Variants in POLN observed in about 807,000 individuals in gnomAD.
POLN encodes the protein DNA polymerase N.
A neutral mutation model predicts 113.5 loss-of-function variants in POLN; 108 were observed. The observed-to-expected ratio is 0.95, with a 90% CI of 0.81 to 1.12. The LOEUF (loss-of-function observed/expected upper bound fraction) is 1.12, where lower values mean the gene tolerates loss of function less well. Among genes scored for constraint, POLN ranks in the 50% most tolerant of loss-of-function variants. POLN has a pLI of 0.00. For missense variants in POLN, 1,097 were observed against 1,077.1 expected (o/e 1.02, Z -0.26); for synonymous variants, 386 against 391.5 (o/e 0.99, Z 0.17).
At chr4:2,075,874 G>A (rs921846298) in intron 23 of POLN, among the ~76,000 whole-genome samples, 6 of 152,174 alleles carry the variant, frequency 3.9e-5, no homozygotes, top group Non-Finnish European at 7.4e-5. Flanking sequence ...TGGGTGCCCC[G>A]TGTCCGCCCC....
At position 2,081,643 on chromosome 4, in the gene POLN, G is replaced by A. The variant is rs761010713; in HGVS notation, c.2298C>T (p.Phe766=). 2.7e-5 allele frequency: 44 copies of A among 1,614,090 alleles called. No homozygotes were observed. The East Asian group carries it at 3.8e-4, about 14-fold the overall frequency. ...AGAGGCTTCTGGTACCTTGCACCAC[G>A]AAGTTCACTGCCTGTCGCTCTGCTT... ...RAQAERQAVN[F]VVQGSAADLC... Residue 766 remains phenylalanine (F), a synonymous_variant, in exon 22 of 26, where the codon TTC becomes TTT. Coordinates refer to ENST00000511885, the MANE Select transcript of POLN (RefSeq NM_181808.4).
intron 3 of POLN, among the ~76,000 whole-genome samples, chr4:2,214,407 G>T (rs187421374): frequency 6.6e-6 from 1 of 152,194 alleles, no homozygotes; most frequent in East Asian, 1.9e-4. Context: ...ACATCAAAAA[G>T]AAAATAAATG....
At chr4:2,160,157 G>T (rs1732543988) in intron 13 of POLN, among the ~76,000 whole-genome samples, 2 of 152,200 alleles carry the variant, frequency 1.3e-5, no homozygotes, top group Non-Finnish European at 2.9e-5. Flanking sequence ...TCTGGTAAAT[G>T]AGAAGTGATC....
At chr4:2,162,952 C>T (rs536093917) in intron 13 of POLN, among the ~76,000 whole-genome samples, 13 of 148,674 alleles carry the variant, frequency 8.7e-5, no homozygotes, top group South Asian at 2.1e-4. Flanking sequence ...TGATCCCCCG[C>T]GCCCAGATTA....
chr4:2,225,975 C>G (rs1282118222), intron 3 of POLN, among the ~76,000 whole-genome samples: 2 of 151,680 alleles, frequency 1.3e-5, no homozygotes, highest in African/African-American at 4.8e-5. Context: ...GGCGACAGAG[C>G]AAGACCCTGT....
In POLN at chr4:2,241,762, G is replaced by A; in HGVS notation, c.-255C>T. ...GCCAGCGGCAAAACCTTCCTTCGGA[G>A]GGTCACCCAGCTGTGACACCTAAGC... On this transcript the variant is annotated 5_prime_UTR_variant, in exon 2 of 26. Coordinates refer to ENST00000511885, the MANE Select transcript of POLN (RefSeq NM_181808.4). 2.0e-6 allele frequency: 2 copies of A among 985,482 alleles called. No homozygotes were observed. Among genetic ancestry groups the A allele is most frequent in the Non-Finnish European group, 2.4e-6 (2 of 829,948 alleles). 61.0% of individuals were successfully genotyped at this position (985,482 alleles called of 1,614,324 possible).
intron 20 of POLN, among the ~76,000 whole-genome samples, chr4:2,091,767 G>GT (rs1730668613): frequency 2.8e-5 from 2 of 71,918 alleles, no homozygotes; most frequent in Non-Finnish European, 5.6e-5. Flanking sequence ...GAATCTGTGT[G>GT]TGTGTGTGTG....
chr4:2,197,092 T>A (rs984400495), intron 6 of POLN, among the ~76,000 whole-genome samples: 1 of 152,188 alleles, frequency 6.6e-6, no homozygotes, highest in Non-Finnish European at 1.5e-5. Flanking sequence ...CACTTGATCT[T>A]AGCCAGAAGA....
At chr4:2,194,501 A>G (rs1216325355) in intron 6 of POLN, among the ~76,000 whole-genome samples, 4 of 152,158 alleles carry the variant, frequency 2.6e-5, no homozygotes, top group African/African-American at 9.7e-5. Context: ...ACACAGCTTC[A>G]GATCTTGGCT....
intron 3 of POLN, among the ~76,000 whole-genome samples, chr4:2,215,174 C>G (rs1405737746): frequency 1.3e-5 from 2 of 152,042 alleles, no homozygotes; most frequent in African/African-American, 4.8e-5. Context: ...GAATAAATTA[C>G]ATAATATCCA....
intron 14 of POLN, 125 bp from the exon 15 acceptor site, chr4:2,158,036 C>T: frequency 1.8e-6 from 1 of 549,558 alleles, no homozygotes; most frequent in South Asian, 2.5e-5. Flanking sequence ...GCCGCAACTT[C>T]TGCCTCCTGG....
chr4:2,220,589 G>A (rs1388226058), intron 3 of POLN, among the ~76,000 whole-genome samples: 2 of 151,946 alleles, frequency 1.3e-5, no homozygotes, highest in East Asian at 1.9e-4. Context: ...CCCTTCCTTC[G>A]GCACCCCACT....
Position 2,203,071 on chromosome 4 carries a change from T to C in POLN, c.715-4354A>G, listed in dbSNP as rs141701772. Among the ~76,000 whole-genome samples the C allele has an allele frequency of 2.2e-3, 329 of 152,292 alleles. 1 individual carries two copies. Among genetic ancestry groups the C allele is most frequent in the African/African-American group, 7.5e-3 (311 of 41,562 alleles). ...CATTCTATTCATCAGTGCATGGAAC[T>C]TTCTCCAAGATAGACCATATGATAG... On this transcript the variant is annotated intron_variant, in intron 5 of 25. Transcript: ENST00000511885.
Position 2,134,805 on chromosome 4 carries a change from C to A in POLN, c.1732-3515G>T, listed in dbSNP as rs572336575. On this transcript the variant is annotated intron_variant, in intron 16 of 25. Transcript: ENST00000511885. ...CGTTGAACAGCTGGAGACCTGGATC[C>A]CCCTTTCCAGGAGCACCTCACACAT... Among the ~76,000 whole-genome samples the A allele has an allele frequency of 2.6e-5, 4 of 152,310 alleles. No homozygotes were observed. In the South Asian group the frequency reaches 8.3e-4, roughly 32 times the overall value.
At chr4:2,149,137 T>C (rs995838170) in intron 16 of POLN, among the ~76,000 whole-genome samples, 2 of 151,716 alleles carry the variant, frequency 1.3e-5, no homozygotes, top group Non-Finnish European at 2.9e-5. Flanking sequence ...CTACAAAAAA[T>C]ACAAAAATTA....
intron 18 of POLN, 61 bp from the exon 19 acceptor site, chr4:2,128,288 C>G: frequency 9.4e-7 from 1 of 1,061,488 alleles, no homozygotes; most frequent in Non-Finnish European, 1.4e-6. Flanking sequence ...GTGTTTGCTG[C>G]GCACCCCGGC....
At chr4:2,238,715 C>G in intron 2 of POLN, 1 of 1,613,620 alleles carries the variant, frequency 6.2e-7, no homozygotes, top group Non-Finnish European at 8.5e-7. Context: ...GTTACTTTGA[C>G]TAAGTTCTTG....
intron 6 of POLN, among the ~76,000 whole-genome samples, chr4:2,194,877 G>A (rs1733537180): frequency 6.6e-6 from 1 of 151,854 alleles, no homozygotes; most frequent in African/African-American, 2.4e-5. Flanking sequence ...CAACCTGGGC[G>A]ACAAAGAGAG....
intron 16 of POLN, among the ~76,000 whole-genome samples, chr4:2,136,268 A>T (rs1287977571): frequency 1.3e-5 from 2 of 152,248 alleles, no homozygotes; most frequent in Non-Finnish European, 2.9e-5. Flanking sequence ...TTACAATTTT[A>T]ATCTCCTCTA....
Sources: allele counts gnomAD v4.1 joint callset (sites outside exome capture counted in the v4.1 genomes callset), GRCh38; gene constraint gnomAD v4.1.1; transcripts MANE v1.5; gene names NCBI Gene and HGNC (gene_info 2026-07-23, HGNC 2026-07-21).